APBB1IP: variants seen among roughly 807,000 people sequenced by gnomAD.
APBB1IP encodes amyloid beta A4 precursor protein-binding family B member 1-interacting protein.
In APBB1IP, 27 loss-of-function variants were observed where a neutral mutation model predicts 64.9. The ratio of observed to expected loss-of-function variants is 0.42; its 90% CI spans 0.31 to 0.57. APBB1IP has a LOEUF of 0.57. APBB1IP is among the 20% of genes least tolerant of loss of function. The pLI is 0.20. For synonymous variants in APBB1IP, 392 were observed against 331.0 expected (o/e 1.18, Z -2.00); for missense variants, 812 against 845.5 (o/e 0.96, Z 0.49).
At chr10:26,522,350 T>C (rs787063) in intron 8 of APBB1IP, among the ~76,000 whole-genome samples, 35,859 of 152,122 alleles carry the variant, frequency 0.24, 4,425 homozygotes, top group East Asian at 0.37. Context: ...TTTGTCACAG[T>C]TGATGAATCT....
intron 2 of APBB1IP, among the ~76,000 whole-genome samples, chr10:26,457,134 C>G (rs1328484307): frequency 6.6e-6 from 1 of 152,136 alleles, no homozygotes; most frequent in Non-Finnish European, 1.5e-5. Flanking sequence ...TCCTTTTAGA[C>G]ACTCACAGCA....
At chr10:26,539,869 A>G (rs1836675904) in intron 10 of APBB1IP, among the ~76,000 whole-genome samples, 2 of 152,160 alleles carry the variant, frequency 1.3e-5, no homozygotes, top group Admixed American at 1.3e-4. Flanking sequence ...CCGTCTCATT[A>G]CTGATCAGGG....
At chr10:26,549,359 T>G (rs966069334) in intron 11 of APBB1IP, among the ~76,000 whole-genome samples, 2 of 152,206 alleles carry the variant, frequency 1.3e-5, no homozygotes, top group African/African-American at 4.8e-5. Flanking sequence ...TTGGAAGAGT[T>G]TCCTCCTTTT....
chr10:26,485,612 A>G (rs895772392), intron 2 of APBB1IP, among the ~76,000 whole-genome samples: 2 of 152,170 alleles, frequency 1.3e-5, no homozygotes, highest in African/African-American at 2.4e-5. Flanking sequence ...ATTTTTGGCT[A>G]TTTTGTTTAG....
At chr10:26,544,269 C>T (rs572262164) in intron 11 of APBB1IP, among the ~76,000 whole-genome samples, 1 of 152,340 alleles carries the variant, frequency 6.6e-6, no homozygotes, top group African/African-American at 2.4e-5. Context: ...TTGCCAAAGA[C>T]TTGTCCACAC....
At chr10:26,537,515 G>A (rs1836640300) in intron 10 of APBB1IP, among the ~76,000 whole-genome samples, 1 of 152,060 alleles carries the variant, frequency 6.6e-6, no homozygotes, top group Admixed American at 6.6e-5. Flanking sequence ...TCCCACACTG[G>A]GCACCTCACA....
intron 2 of APBB1IP, among the ~76,000 whole-genome samples, chr10:26,465,205 T>G (rs1005966172): frequency 6.6e-6 from 1 of 152,228 alleles, no homozygotes; most frequent in Non-Finnish European, 1.5e-5. Flanking sequence ...GGAAAGTGTG[T>G]GTCAGTATTC....
intron 2 of APBB1IP, among the ~76,000 whole-genome samples, chr10:26,445,136 GA>G (rs770298036): frequency 3.9e-4 from 5 of 12,780 alleles, no homozygotes; most frequent in African/African-American, 1.5e-3. Flanking sequence ...AGAAAAGAAA[GA>G]AAGAAAGAAA....
Position 26,511,875 on chromosome 10 carries a change from T to C in APBB1IP, c.660T>C (p.Cys220=), listed in dbSNP as rs1218182576. 6.2e-7 allele frequency: 1 copy of C among 1,614,220 alleles called. No homozygotes were observed. The highest frequency in any genetic ancestry group is 1.3e-5 in the African/African-American group (1 of 75,060). Residue 220 remains cysteine (C), a synonymous_variant, in exon 7 of 15, where the codon TGT becomes TGC. Coordinates refer to ENST00000376236, the MANE Select transcript of APBB1IP (RefSeq NM_019043.4). ...ATTGTGACTGCAATGTAGACTGGTG[T>C]CTTTATGAAATCTACCCGGAACTAC... ...KTHCDCNVDW[C]LYEIYPELQI... is the part of the protein sequence containing the mutation.
At chr10:26,522,938 A>T (rs1244711790) in intron 8 of APBB1IP, among the ~76,000 whole-genome samples, 4 of 134,774 alleles carry the variant, frequency 3.0e-5, no homozygotes, top group Non-Finnish European at 6.2e-5. Context: ...CGGGAGGTGG[A>T]GGTTGCAGTG....
chr10:26,561,304 G>A (rs1417065697), intron 13 of APBB1IP, among the ~76,000 whole-genome samples: 2 of 150,112 alleles, frequency 1.3e-5, no homozygotes, highest in Admixed American at 6.6e-5. Flanking sequence ...TCCTGACCTC[G>A]TGATGCACCT....
chr10:26,445,127 GAAAA>G (rs1835378652), intron 2 of APBB1IP, among the ~76,000 whole-genome samples: 3 of 47,308 alleles, frequency 6.3e-5, no homozygotes, highest in African/African-American at 2.0e-4. Context: ...AAGAAAGAAA[GAAAA>G]GAAAGAAAGA....
intron 2 of APBB1IP, among the ~76,000 whole-genome samples, chr10:26,458,955 A>ATTT (rs1184188892): frequency 2.8e-4 from 43 of 151,566 alleles, no homozygotes; most frequent in African/African-American, 1.0e-3. Context: ...TATTATTATT[A>ATTT]TACTTTGAGT....
At chr10:26,557,813 G>A (rs978355843) in intron 11 of APBB1IP, among the ~76,000 whole-genome samples, 7 of 152,176 alleles carry the variant, frequency 4.6e-5, no homozygotes, top group Non-Finnish European at 7.3e-5. Flanking sequence ...GTGACTAGAC[G>A]CTGCCAGTCA....
intron 2 of APBB1IP, among the ~76,000 whole-genome samples, chr10:26,487,344 C>T (rs756731851): frequency 2.6e-5 from 4 of 152,006 alleles, no homozygotes; most frequent in Non-Finnish European, 4.4e-5. Flanking sequence ...TCTTGTCTGT[C>T]CATTTCAATA....
chr10:26,476,596 C>A (rs1033005628), intron 2 of APBB1IP, among the ~76,000 whole-genome samples: 1 of 151,886 alleles, frequency 6.6e-6, no homozygotes. Context: ...TGCTACATTC[C>A]TGCTTTATTT....
chr10:26,500,260 T>C (rs1836080496), intron 4 of APBB1IP, among the ~76,000 whole-genome samples: 2 of 151,628 alleles, frequency 1.3e-5, no homozygotes, highest in Admixed American at 1.3e-4. Flanking sequence ...AAAATTGCTC[T>C]CTCTCTGAAT....
chr10:26,500,210 C>CAAA (rs199918930), intron 4 of APBB1IP, among the ~76,000 whole-genome samples: 42 of 86,378 alleles, frequency 4.9e-4, no homozygotes, highest in African/African-American at 1.7e-3. Flanking sequence ...GACTCTGTCT[C>CAAA]AAAAAAAAAA....
At chr10:26,452,938 A>T (rs181391754) in intron 2 of APBB1IP, among the ~76,000 whole-genome samples, 8 of 152,260 alleles carry the variant, frequency 5.3e-5, no homozygotes, top group Non-Finnish European at 1.2e-4. Flanking sequence ...TATAACTCCT[A>T]CTATTCTTTT....
Sources: allele counts gnomAD v4.1 joint callset (sites outside exome capture counted in the v4.1 genomes callset), GRCh38; gene constraint gnomAD v4.1.1; transcripts MANE v1.5; gene names NCBI Gene and HGNC (gene_info 2026-07-23, HGNC 2026-07-21).